ZNF10: variants seen among roughly 807,000 people sequenced by gnomAD.
ZNF10 encodes the protein zinc finger protein 10, also known as zinc finger protein 10 (KOX 1).
Under a neutral mutation model 12.2 loss-of-function variants are expected in ZNF10, and 8 were observed. The ratio of observed to expected loss-of-function variants is 0.66; its 90% CI spans 0.39 to 1.18. The LOEUF is 1.18. Among genes scored for constraint, ZNF10 ranks in the 50% most tolerant of loss-of-function variants. The probability of loss-of-function intolerance (pLI) is 0.01; values close to 1 mark genes in which losing one functional copy is unlikely to be tolerated. For missense variants in ZNF10, 603 were observed against 678.9 expected, an observed-to-expected ratio of 0.89 and a Z score of 1.24; for synonymous variants, 229 against 228.2, an observed-to-expected ratio of 1.00 and a Z score of -0.03.
At chr12:133,133,168 G>C (rs185294081) in intron 1 of ZNF10, among the ~76,000 whole-genome samples, 1 of 152,280 alleles carries the variant, frequency 6.6e-6, no homozygotes, top group Non-Finnish European at 1.5e-5. Context: ...GTATCTTTAA[G>C]TATATCTTTG....
Position 133,155,536 on chromosome 12 carries a change from T to C in ZNF10, c.290T>C (p.Val97Ala), listed in dbSNP as rs147325567. Residue 97 changes from valine to alanine, a missense_variant, in exon 5 of 5, where the codon GTT (valine) becomes GCT (alanine). Around this residue, in one of 3 missense-constraint regions of ZNF10, gnomAD observed 393 missense variants for 399.7 expected, o/e 0.98. Transcript: ENST00000248211. Reference protein sequence around the residue: ...SETAFEIKSSVSSRSIFKDKQ... With the variant: ...SETAFEIKSSASSRSIFKDKQ... ...ACTGCATTTGAAATCAAATCATCAG[T>C]TTCCAGCAGGAGCATTTTTAAAGAT... The C allele has an allele frequency of 2.5e-5, 40 of 1,596,274 alleles. 1 individual carries two copies. The African/African-American group carries it at 5.3e-4, about 21-fold the overall frequency.
chr12:133,156,006 G>A lies in ZNF10; in HGVS notation c.760G>A (p.Gly254Ser). ...DNSLTHGSSL[G>S]ISKGIHREKP... ...CTCTCTTACTCATGGTTCATCTCTT[G>A]GTATATCAAAGGGCATACATAGAGA... The change falls in exon 5 of 5, where the codon GGT (glycine) becomes AGT (serine). Residue 254 changes from glycine (G) to serine (S), a missense_variant. Physicochemically the swap from Gly to Ser is moderately conservative, Grantham distance 56. Around this residue, in one of 3 missense-constraint regions of ZNF10, gnomAD observed 393 missense variants for 399.7 expected, o/e 0.98. Coordinates refer to ENST00000248211, the MANE Select transcript of ZNF10 (RefSeq NM_015394.5). The A allele has an allele frequency of 6.2e-7, 1 of 1,613,792 alleles. No homozygotes were observed. Among genetic ancestry groups the A allele is most frequent in the Non-Finnish European group, 8.5e-7 (1 of 1,180,002 alleles).
At chr12:133,143,425 A>G (rs1371384347) in intron 1 of ZNF10, 3 of 152,186 alleles carry the variant, frequency 2.0e-5, no homozygotes, top group Non-Finnish European at 4.4e-5. Context: ...GAATTGTACC[A>G]TATGGCTCTT....
At chr12:133,143,001 T>TTA (rs1955955196) in intron 1 of ZNF10, among the ~76,000 whole-genome samples, 1 of 152,200 alleles carries the variant, frequency 6.6e-6, no homozygotes, top group Admixed American at 6.5e-5. Context: ...CAGTGGAATA[T>TTA]TTGGTCATGA....
At chr12:133,147,364 C>T (rs908754815) in intron 2 of ZNF10, among the ~76,000 whole-genome samples, 2 of 152,224 alleles carry the variant, frequency 1.3e-5, no homozygotes, top group African/African-American at 2.4e-5. Context: ...TTTGCATTCT[C>T]ACAGTAATGT....
chr12:133,137,001 A>G (rs1220205076), intron 1 of ZNF10, among the ~76,000 whole-genome samples: 2 of 152,134 alleles, frequency 1.3e-5, no homozygotes, highest in Non-Finnish European at 2.9e-5. Flanking sequence ...AACCAATCGC[A>G]TCATTTCTCT....
intron 1 of ZNF10, among the ~76,000 whole-genome samples, chr12:133,135,215 T>G (rs1955904069): frequency 6.6e-6 from 1 of 152,184 alleles, no homozygotes; most frequent in African/African-American, 2.4e-5. Flanking sequence ...GGGTCTGCCT[T>G]GTCTTACTGG....
At chr12:133,136,867 G>C (rs1225050211) in intron 1 of ZNF10, among the ~76,000 whole-genome samples, 1 of 152,136 alleles carries the variant, frequency 6.6e-6, no homozygotes, top group Non-Finnish European at 1.5e-5. Flanking sequence ...GATTCAGATA[G>C]AATACAGATA....
rs1463974334 is a variant in ZNF10, at chr12:133,153,821, T to TG, written c.257-1678dup. On this transcript the variant is annotated intron_variant, in intron 4 of 4. Transcript: ENST00000248211. ...GTTAAGTCTAAAATGAAGATGTCAG[T>TG]GGGGCTCTGCTACGCTTCTAGGAGA... Among the ~76,000 whole-genome samples, 6 of 152,206 alleles carry TG rather than the reference T, an allele frequency of 3.9e-5. No individual in the cohort carries two copies. The South Asian group carries it at 1.2e-3, about 32-fold the overall frequency.
At chr12:133,135,151 T>A (rs1955903620) in intron 1 of ZNF10, among the ~76,000 whole-genome samples, 1 of 152,222 alleles carries the variant, frequency 6.6e-6, no homozygotes, top group Admixed American at 6.5e-5. Flanking sequence ...GATAGCTACC[T>A]GAAATGCCTT....
chr12:133,144,423 C>G lies in ZNF10; in HGVS notation c.-59-11C>G, dbSNP rs930074974. ...TAGCAAACTTAACTTATGTTTCTTTCTTTTTCCCAGCTTTGTCTCCTCAGC... is the reference window on the plus strand; with the variant it reads ...TAGCAAACTTAACTTATGTTTCTTTGTTTTTCCCAGCTTTGTCTCCTCAGC... On this transcript the variant is annotated splice_polypyrimidine_tract_variant and intron_variant, in intron 1 of 4. Coordinates refer to ENST00000248211, the MANE Select transcript of ZNF10 (RefSeq NM_015394.5). 5.8e-6 allele frequency: 9 copies of G among 1,544,380 alleles called. No individual in the cohort carries two copies. Among genetic ancestry groups the G allele is most frequent in the African/African-American group, 5.5e-5 (4 of 72,720 alleles).
chr12:133,155,902 T>G lies in ZNF10; in HGVS notation c.656T>G (p.Phe219Cys). ...ASNSNECGQT[F>C]CQNIHLIQFA... is the part of the protein sequence containing the mutation. ...AACAGTAATGAATGTGGTCAAACTT[T>G]CTGTCAAAACATTCACCTTATTCAG... Residue 219 changes from phenylalanine (F) to cysteine (C), a missense_variant, in exon 5 of 5, where the codon TTC (phenylalanine) becomes TGC (cysteine). By Grantham distance (205) the Phe-to-Cys change is radical. Coordinates refer to ENST00000248211, the MANE Select transcript of ZNF10 (RefSeq NM_015394.5). The G allele has an allele frequency of 1.2e-6, 2 of 1,613,922 alleles. No individual in the cohort carries two copies. The highest frequency in any genetic ancestry group is 1.7e-6 in the Non-Finnish European group (2 of 1,179,910).
intron 2 of ZNF10, chr12:133,144,900 T>TAAA (rs1488027767): frequency 8.8e-6 from 4 of 452,808 alleles, no homozygotes; most frequent in Non-Finnish European, 1.8e-5. Flanking sequence ...TTGTTGTTGT[T>TAAA]TAGACGGAGT....
intron 4 of ZNF10, among the ~76,000 whole-genome samples, chr12:133,152,754 T>G (rs2135464333): frequency 6.6e-6 from 1 of 152,268 alleles, no homozygotes; most frequent in East Asian, 1.9e-4. Context: ...AAAATTTATT[T>G]ATAGGCATTT....
At chr12:133,146,901 G>A (rs73162486) in intron 2 of ZNF10, among the ~76,000 whole-genome samples, 1,706 of 150,138 alleles carry the variant, frequency 0.011, 35 homozygotes, top group African/African-American at 0.039. Flanking sequence ...AGAATTCCCT[G>A]TGTGCTGCCC....
At chr12:133,132,908 G>T (rs920698388) in intron 1 of ZNF10, among the ~76,000 whole-genome samples, 1 of 152,068 alleles carries the variant, frequency 6.6e-6, no homozygotes, top group Non-Finnish European at 1.5e-5. Flanking sequence ...ATATTTTACT[G>T]TACCTAATTT....
At chr12:133,136,142 C>G (rs1382763306) in intron 1 of ZNF10, among the ~76,000 whole-genome samples, 2 of 152,176 alleles carry the variant, frequency 1.3e-5, no homozygotes, top group Non-Finnish European at 2.9e-5. Context: ...CATCCTTCTT[C>G]CTTTAGAAGC....
chr12:133,155,133 CAG>C (rs1405626401), intron 4 of ZNF10, among the ~76,000 whole-genome samples: 1 of 151,482 alleles, frequency 6.6e-6, no homozygotes, highest in East Asian at 1.9e-4. Flanking sequence ...GAATGTGTGT[CAG>C]GGGAAAGTCC....
intron 1 of ZNF10, among the ~76,000 whole-genome samples, chr12:133,139,976 G>A (rs186022683): frequency 1.3e-5 from 2 of 152,020 alleles, no homozygotes; most frequent in African/African-American, 4.8e-5. Context: ...GGCCAAAGCA[G>A]GAGGATTACT....
Sources: gnomAD v4.1 joint callset for allele counts (sites outside exome capture counted in the v4.1 genomes callset) on GRCh38, gnomAD v4.1.1 for gene constraint, gnomAD v4.1.1 regional missense constraint, MANE v1.5 for transcripts, NCBI Gene and HGNC (gene_info 2026-07-23, HGNC 2026-07-21) for gene names.